PRORP: variants seen among roughly 807,000 people sequenced by gnomAD.
PRORP encodes mitochondrial ribonuclease P catalytic subunit.
Under a neutral mutation model 59.4 loss-of-function variants are expected in PRORP, and 51 were observed. The observed-to-expected ratio is 0.86, with a 90% CI of 0.69 to 1.08. The LOEUF is 1.08. Among genes scored for constraint, PRORP ranks in the 50% least tolerant of loss-of-function variants. The pLI, the probability that PRORP is intolerant of heterozygous loss-of-function variation, is 0.00. For missense variants in PRORP, 646 were observed against 690.3 expected (o/e 0.94, Z 0.72); for synonymous variants, 231 against 245.6 (o/e 0.94, Z 0.55).
At chr14:35,251,134 C>T (rs1006708270) in intron 5 of PRORP, among the ~76,000 whole-genome samples, 3 of 152,192 alleles carry the variant, frequency 2.0e-5, no homozygotes, top group Admixed American at 2.0e-4. Flanking sequence ...GTTTTCCATT[C>T]CTGAGTTACT....
At chr14:35,230,728 G>A (rs150068697) in intron 5 of PRORP, among the ~76,000 whole-genome samples, 1 of 152,120 alleles carries the variant, frequency 6.6e-6, no homozygotes, top group African/African-American at 2.4e-5. Flanking sequence ...GATGGTTATG[G>A]CAGATATTAC....
At chr14:35,176,323 A>T (rs1029556791) in intron 4 of PRORP, among the ~76,000 whole-genome samples, 1 of 152,104 alleles carries the variant, frequency 6.6e-6, no homozygotes, top group African/African-American at 2.4e-5. Context: ...TCTATAAATT[A>T]CCTTGGGCAG....
rs570541967 is a variant in PRORP, at chr14:35,171,161, T to C, written c.1168-9509T>C. 8.5e-5 allele frequency among the ~76,000 whole-genome samples: 13 copies of C among 152,234 alleles called. No homozygotes were observed. In the South Asian group the frequency reaches 2.7e-3, roughly 32 times the overall value. ...ACTGCACCTAGCCTTCTTTCTTTTT[T>C]GTAGAGACAGTATCTTGCTGTGTTG... On this transcript the variant is annotated intron_variant, in intron 4 of 7. Transcript: ENST00000534898.
At chr14:35,176,911 G>A (rs1051252579) in intron 4 of PRORP, among the ~76,000 whole-genome samples, 8 of 152,072 alleles carry the variant, frequency 5.3e-5, no homozygotes, top group African/African-American at 9.7e-5. Context: ...TTTGAGATAC[G>A]TCCCATCAAT....
intron 4 of PRORP, among the ~76,000 whole-genome samples, chr14:35,176,316 A>G (rs1335642721): frequency 1.3e-5 from 2 of 152,162 alleles, no homozygotes; most frequent in Non-Finnish European, 2.9e-5. Flanking sequence ...CATTGAATCT[A>G]TAAATTACCT....
chr14:35,235,467 G>T, intron 5 of PRORP: 1 of 643,006 alleles, frequency 1.6e-6, no homozygotes, highest in South Asian at 1.5e-5. Flanking sequence ...AAGGCAAGCA[G>T]GAAGACAACT....
In PRORP at chr14:35,270,418, T is replaced by A; in HGVS notation, c.1442T>A (p.Phe481Tyr). The A allele has an allele frequency of 6.2e-7, 1 of 1,613,852 alleles. No homozygotes were observed. The highest frequency in any genetic ancestry group is 8.5e-7 in the Non-Finnish European group (1 of 1,179,980). Reference sequence around the variant, plus strand: ...TGGTTCAGCTCGGAGGATGATCCATTCCTTCTGTATGCCACACTGCACTCC... The same window carrying A: ...TGGTTCAGCTCGGAGGATGATCCATACCTTCTGTATGCCACACTGCACTCC... Reference protein sequence around the residue: ...FADDISEDDPFLLYATLHSGN... With the variant: ...FADDISEDDPYLLYATLHSGN... Residue 481 changes from phenylalanine (F) to tyrosine (Y), a missense_variant, in exon 7 of 8, where the codon TTC becomes TAC. Phe to Tyr is a conservative substitution (Grantham distance 22, BLOSUM62 3). Transcript: ENST00000534898.
chr14:35,233,480 A>G (rs1396832695), intron 5 of PRORP, among the ~76,000 whole-genome samples: 1 of 149,604 alleles, frequency 6.7e-6, no homozygotes, highest in African/African-American at 2.5e-5. Context: ...GTCAGCTTCC[A>G]CATTCTAACA....
intron 5 of PRORP, among the ~76,000 whole-genome samples, chr14:35,222,003 A>C (rs573871750): frequency 1.3e-5 from 2 of 152,208 alleles, no homozygotes; most frequent in African/African-American, 4.8e-5. Context: ...TTCCCATTTA[A>C]TCTTTCTCCA....
chr14:35,213,003 A>T (rs978274178), intron 5 of PRORP, among the ~76,000 whole-genome samples: 5 of 152,186 alleles, frequency 3.3e-5, no homozygotes. Context: ...TTCGTCTTAC[A>T]CTTTTATGTC....
intron 7 of PRORP, among the ~76,000 whole-genome samples, chr14:35,271,346 G>T (rs1016823097): frequency 6.6e-6 from 1 of 151,164 alleles, no homozygotes; most frequent in Non-Finnish European, 1.5e-5. Flanking sequence ...TTTAGTAGAG[G>T]TGGGGTTTCA....
chr14:35,243,000 T>C (rs2050402209), intron 5 of PRORP, among the ~76,000 whole-genome samples: 1 of 152,206 alleles, frequency 6.6e-6, no homozygotes, highest in Non-Finnish European at 1.5e-5. Context: ...CCTTTGTTTT[T>C]ACAAGGAGTT....
chr14:35,127,850 T>C (rs886335833), intron 4 of PRORP, among the ~76,000 whole-genome samples: 3 of 149,880 alleles, frequency 2.0e-5, no homozygotes, highest in African/African-American at 7.5e-5. Flanking sequence ...TTTGGCCTGC[T>C]GACTACAATT....
intron 4 of PRORP, among the ~76,000 whole-genome samples, chr14:35,132,820 G>C (rs2047281688): frequency 6.6e-6 from 1 of 151,346 alleles, no homozygotes; most frequent in Admixed American, 6.6e-5. Context: ...GAAAGGAAAG[G>C]AAAGCAAAGC....
chr14:35,149,513 C>T (rs144728802), intron 4 of PRORP, among the ~76,000 whole-genome samples: 1 of 152,046 alleles, frequency 6.6e-6, no homozygotes, highest in African/African-American at 2.4e-5. Flanking sequence ...ATGACTGGCA[C>T]CTTGCATTTT....
intron 4 of PRORP, among the ~76,000 whole-genome samples, chr14:35,165,322 GAGAATGAAC>G (rs2048157258): frequency 6.6e-6 from 1 of 152,050 alleles, no homozygotes; most frequent in African/African-American, 2.4e-5. Context: ...GATAGTACAA[GAGAATGAAC>G]TTCTGGGTTT....
intron 4 of PRORP, among the ~76,000 whole-genome samples, chr14:35,134,737 A>G (rs2047331699): frequency 6.6e-6 from 1 of 152,022 alleles, no homozygotes; most frequent in Admixed American, 6.5e-5. Context: ...AGACTGTGAG[A>G]TGTGCGGCCT....
chr14:35,237,951 G>A (rs775256477), intron 5 of PRORP, among the ~76,000 whole-genome samples: 1 of 152,076 alleles, frequency 6.6e-6, no homozygotes, highest in Non-Finnish European at 1.5e-5. Context: ...ACCGTGCCTG[G>A]CCTTAAATTT....
chr14:35,205,312 G>C (rs760548291), intron 5 of PRORP, among the ~76,000 whole-genome samples: 4 of 152,180 alleles, frequency 2.6e-5, no homozygotes, highest in Non-Finnish European at 4.4e-5. Context: ...CTCCTGAGTA[G>C]CTGGGATTAC....
Sources: allele counts gnomAD v4.1 joint callset (sites outside exome capture counted in the v4.1 genomes callset), GRCh38; gene constraint gnomAD v4.1.1; transcripts MANE v1.5; gene names NCBI Gene and HGNC (gene_info 2026-07-23, HGNC 2026-07-21).